Variants in DZANK1 observed in about 807,000 individuals in gnomAD.
DZANK1 encodes the protein double zinc ribbon and ankyrin repeat domains 1.
A neutral mutation model predicts 94.5 loss-of-function variants in DZANK1; 91 were observed. The ratio of observed to expected loss-of-function variants is 0.96; its 90% CI spans 0.81 to 1.15. The LOEUF (loss-of-function observed/expected upper bound fraction) is 1.15, where lower values mean the gene tolerates loss of function less well. Among genes scored for constraint, DZANK1 ranks in the 50% most tolerant of loss-of-function variants. The pLI is 0.00. For missense variants in DZANK1, 903 were observed against 916.4 expected (o/e 0.99, Z 0.19); for synonymous variants, 312 against 325.3 (o/e 0.96, Z 0.44).
chr20:18,419,890 C>CAAA (rs74179199), intron 10 of DZANK1, among the ~76,000 whole-genome samples: 131 of 124,890 alleles, frequency 1.0e-3, no homozygotes, highest in African/African-American at 3.7e-3. Flanking sequence ...GGTGTAAATA[C>CAAA]AAAAAAAAAA....
At position 18,391,157 on chromosome 20, in the gene DZANK1, C is replaced by T. The variant is rs6035034; in HGVS notation, c.1810-698G>A. ...AGTGAGCGGAGATCATACAACTACA[C>T]TCCAGCCTGGGCAACACAGTGGGAC... On this transcript the variant is annotated intron_variant, in intron 17 of 20. Coordinates refer to ENST00000262547, the Ensembl canonical transcript of DZANK1. 4.7e-3 allele frequency among the ~76,000 whole-genome samples: 719 copies of T among 152,328 alleles called. 6 individuals carry two copies. The highest frequency in any genetic ancestry group is 7.1e-3 in the Non-Finnish European group (483 of 68,030).
At chr20:18,442,629 G>A (rs879532706) in intron 8 of DZANK1, among the ~76,000 whole-genome samples, 9 of 152,174 alleles carry the variant, frequency 5.9e-5, no homozygotes, top group Admixed American at 3.9e-4. Flanking sequence ...GGCATAACTC[G>A]AATCTAAAAC....
At chr20:18,411,644 A>G (rs1340104446) in intron 13 of DZANK1, among the ~76,000 whole-genome samples, 1 of 152,228 alleles carries the variant, frequency 6.6e-6, no homozygotes, top group African/African-American at 2.4e-5. Context: ...GACAGACAGT[A>G]GAAGGAAAGA....
At chr20:18,392,143 T>A (rs1457851404) in intron 17 of DZANK1, among the ~76,000 whole-genome samples, 1 of 152,204 alleles carries the variant, frequency 6.6e-6, no homozygotes. Context: ...AAAAGCCATA[T>A]ACAGTGGAAG....
chr20:18,437,514 G>T (rs2058567781), intron 8 of DZANK1, among the ~76,000 whole-genome samples: 1 of 152,068 alleles, frequency 6.6e-6, no homozygotes, highest in Non-Finnish European at 1.5e-5. Flanking sequence ...AGGAGGCAGA[G>T]GTTGCAGTGA....
At chr20:18,451,647 G>T (rs1405430263) in intron 6 of DZANK1, among the ~76,000 whole-genome samples, 1 of 151,980 alleles carries the variant, frequency 6.6e-6, no homozygotes, top group Non-Finnish European at 1.5e-5. Flanking sequence ...CCTCCACTTG[G>T]ATGTCTAATG....
chr20:18,390,364 T>G lies in DZANK1; in HGVS notation c.1890+15A>C, dbSNP rs762614459. The G allele has an allele frequency of 6.2e-7, 1 of 1,613,216 alleles. No individual in the cohort carries two copies. The highest frequency in any genetic ancestry group is 1.3e-5 in the African/African-American group (1 of 74,930). ...TGAACTCTTCAGAGAGACTGGCTCC[T>G]TTGGCAACACTTACCTCATCCAGCA... is the stretch of plus-strand genomic sequence containing the variant. On this transcript the variant is annotated intron_variant, in intron 18 of 20. Transcript: ENST00000262547.
intron 8 of DZANK1, among the ~76,000 whole-genome samples, chr20:18,434,185 A>G (rs2058414345): frequency 6.6e-6 from 1 of 152,114 alleles, no homozygotes; most frequent in African/African-American, 2.4e-5. Flanking sequence ...TAAAAAAAAA[A>G]AGAAAAATAT....
At chr20:18,394,129 C>A in intron 16 of DZANK1, 125 bp downstream of exon 16, 2 of 809,758 alleles carry the variant, frequency 2.5e-6, no homozygotes, top group South Asian at 1.7e-5. Flanking sequence ...AGAAATAAAA[C>A]GTCTGGAACA....
At chr20:18,458,563 A>C (rs2148799982) in intron 3 of DZANK1, among the ~76,000 whole-genome samples, 1 of 152,356 alleles carries the variant, frequency 6.6e-6, no homozygotes, top group Admixed American at 6.5e-5. Flanking sequence ...GATATAGATG[A>C]TCTTTTAGAT....
chr20:18,398,581 C>A, exon 14 of DZANK1: 1 of 1,614,008 alleles, frequency 6.2e-7, no homozygotes, highest in Non-Finnish European at 8.5e-7. Flanking sequence ...CTGAGCATAA[C>A]ACCTGAGGTG....
At chr20:18,431,683 T>C (rs989780216) in intron 9 of DZANK1, among the ~76,000 whole-genome samples, 3 of 152,144 alleles carry the variant, frequency 2.0e-5, no homozygotes, top group Non-Finnish European at 2.9e-5. Context: ...GATAAAAATC[T>C]CTCTACAAAT....
chr20:18,409,388 T>A (rs1254635220), intron 13 of DZANK1, among the ~76,000 whole-genome samples: 1 of 152,108 alleles, frequency 6.6e-6, no homozygotes, highest in African/African-American at 2.4e-5. Flanking sequence ...AGACAGTAGA[T>A]CAACGTATTC....
chr20:18,418,990 G>A (rs563424513), intron 10 of DZANK1, among the ~76,000 whole-genome samples: 7 of 152,216 alleles, frequency 4.6e-5, no homozygotes, highest in South Asian at 4.1e-4. Flanking sequence ...GGACTGGCGC[G>A]GTGGCTCATG....
chr20:18,458,841 C>A (rs1486323351), intron 3 of DZANK1, among the ~76,000 whole-genome samples: 2 of 152,180 alleles, frequency 1.3e-5, no homozygotes, highest in Admixed American at 6.5e-5. Context: ...TTGTTTCCCC[C>A]ACCCCAGCTG....
intron 7 of DZANK1, among the ~76,000 whole-genome samples, chr20:18,446,950 T>C (rs1429988837): frequency 6.6e-6 from 1 of 152,234 alleles, no homozygotes; most frequent in East Asian, 1.9e-4. Context: ...TAAAACCTTT[T>C]AGCAAATCAA....
At chr20:18,450,231 G>T (rs1452682485) in intron 6 of DZANK1, among the ~76,000 whole-genome samples, 1 of 152,078 alleles carries the variant, frequency 6.6e-6, no homozygotes, top group African/African-American at 2.4e-5. Context: ...GCAGTCAGAG[G>T]TTTCTCATTG....
At chr20:18,413,170 C>T (rs897350540) in intron 12 of DZANK1, 2 of 342,022 alleles carry the variant, frequency 5.8e-6, no homozygotes, top group South Asian at 5.4e-5. Context: ...CACTACTAAT[C>T]CACACTCAGC....
chr20:18,455,224 T>A (rs1423840124), intron 4 of DZANK1, 23 bp downstream of exon 4: 2 of 1,548,596 alleles, frequency 1.3e-6, no homozygotes, highest in Non-Finnish European at 8.8e-7. Flanking sequence ...ACAATCTGAA[T>A]GGATTATAGT....
Sources: allele counts gnomAD v4.1 joint callset (sites outside exome capture counted in the v4.1 genomes callset), GRCh38; gene constraint gnomAD v4.1.1; transcripts MANE v1.5; gene names NCBI Gene and HGNC (gene_info 2026-07-23, HGNC 2026-07-21).